Variants in PSTPIP1 observed in about 807,000 individuals in gnomAD.
PSTPIP1 encodes the protein proline-serine-threonine phosphatase-interacting protein 1.
In PSTPIP1, 66 loss-of-function variants were observed where a neutral mutation model predicts 69.6. The observed-to-expected ratio is 0.95, with a 90% CI of 0.78 to 1.16. The LOEUF is 1.16. Ranked by LOEUF, PSTPIP1 falls within the 50% of genes most tolerant of loss-of-function variation. The pLI, the probability that PSTPIP1 is intolerant of heterozygous loss-of-function variation, is 0.00. For synonymous variants in PSTPIP1, 266 were observed against 222.7 expected, an observed-to-expected ratio of 1.19 and a Z score of -1.73; for missense variants, 603 against 557.4, an observed-to-expected ratio of 1.08 and a Z score of -0.82.
chr15:77,025,695 C>T, intron 5 of PSTPIP1, 91 bp downstream of exon 5: 1 of 1,064,722 alleles, frequency 9.4e-7, no homozygotes, highest in South Asian at 1.5e-5. Context: ...CCTGGTAGAG[C>T]CAGTGGAGGG....
intron 7 of PSTPIP1, 117 bp downstream of exon 7, chr15:77,028,769 C>G: frequency 1.1e-6 from 1 of 881,004 alleles, no homozygotes; most frequent in Non-Finnish European, 1.6e-6. Context: ...GCTGCTTAGC[C>G]CTCTCTGACC....
chr15:77,030,681 G>A, intron 9 of PSTPIP1, 100 bp downstream of exon 9: 1 of 1,179,930 alleles, frequency 8.5e-7, no homozygotes, highest in Non-Finnish European at 1.2e-6. Flanking sequence ...GGCAGTTGGG[G>A]AAGGTACCTG....
intron 12 of PSTPIP1, among the ~76,000 whole-genome samples, chr15:77,033,813 TAGAG>T (rs1488857878): frequency 1.1e-5 from 1 of 87,044 alleles, no homozygotes; most frequent in African/African-American, 4.4e-5. Context: ...CACCCGTGCT[TAGAG>T]AGGGCACACA....
chr15:76,995,348 A>G lies in PSTPIP1; in HGVS notation c.-226A>G, dbSNP rs1369687462. The G allele has an allele frequency of 4.9e-6, 7 of 1,424,854 alleles. No homozygotes were observed. Among genetic ancestry groups the G allele is most frequent in the Non-Finnish European group, 5.5e-6 (6 of 1,092,664 alleles). 88.3% of individuals were successfully genotyped at this position (1,424,854 alleles called of 1,614,324 possible). A position where few individuals can be genotyped will look rare whatever the true frequency, so the allele number is the denominator to read the frequency against. ...CATCACTGAGCTCCACTCCTTCCTC[A>G]TTTTGCTGCTGATTCTAGCCCCAAA... On this transcript the variant is annotated 5_prime_UTR_variant, in exon 1 of 15. Coordinates refer to ENST00000558012, the MANE Select transcript of PSTPIP1 (RefSeq NM_003978.5).
intron 1 of PSTPIP1, among the ~76,000 whole-genome samples, chr15:77,006,830 T>C (rs560485131): frequency 5.3e-5 from 8 of 152,250 alleles, no homozygotes; most frequent in Non-Finnish European, 1.0e-4. Flanking sequence ...ACTACCGCAC[T>C]ACTTCAATTA....
In PSTPIP1 at chr15:76,998,841, C is replaced by T. The variant is rs145748718; in HGVS notation, c.36+3232C>T. Among the ~76,000 whole-genome samples, 441 of 152,278 alleles carry T rather than the reference C, an allele frequency of 2.9e-3. 1 individual carries two copies. Among genetic ancestry groups the T allele is most frequent in the Non-Finnish European group, 3.7e-3 (254 of 68,020 alleles). ...TTAGCTGCAGCCGAGTGTTCAGATG[C>T]ACGCTGCTGTAGGAGTGAGGCAGGG... On this transcript the variant is annotated intron_variant, in intron 1 of 14. Transcript: ENST00000558012.
In PSTPIP1 at chr15:77,029,523, C is replaced by T. The variant is rs769264931; in HGVS notation, c.517-6C>T. On this transcript the variant is annotated splice_region_variant and splice_polypyrimidine_tract_variant and intron_variant, in intron 7 of 14. Coordinates refer to ENST00000558012, the MANE Select transcript of PSTPIP1 (RefSeq NM_003978.5). ...GCTTAGCGCTGCTTCCCCTCTGTTT[C>T]CTCAGAGTCAGAACAAAGCCAGGCA... The T allele has an allele frequency of 3.2e-6, 5 of 1,577,062 alleles. No homozygotes were observed. The East Asian group carries it at 7.0e-5, about 22-fold the overall frequency.
chr15:77,015,744 A>C, intron 1 of PSTPIP1: 1 of 355,970 alleles, frequency 2.8e-6, no homozygotes, highest in South Asian at 2.1e-5. Flanking sequence ...GTGAAGGAGG[A>C]GGGCGCGGGC....
rs114796733 is a variant in PSTPIP1, at chr15:76,995,952, C to T, written c.36+343C>T. 5.8e-3 allele frequency among the ~76,000 whole-genome samples: 890 copies of T among 152,290 alleles called. 10 individuals are homozygous for T. Among genetic ancestry groups the T allele is most frequent in the African/African-American group, 0.021 (856 of 41,556 alleles). On this transcript the variant is annotated intron_variant, in intron 1 of 14. Coordinates refer to ENST00000558012, the MANE Select transcript of PSTPIP1 (RefSeq NM_003978.5). Reference sequence around the variant, plus strand: ...AAAGGAGGGGTCACAGATTTAGAGACCAGACAAACTTGAGTTCAGGTCTTG... The same window carrying T: ...AAAGGAGGGGTCACAGATTTAGAGATCAGACAAACTTGAGTTCAGGTCTTG...
At chr15:77,031,899 A>G (rs113774090) in intron 10 of PSTPIP1, 3,746 of 198,908 alleles carry the variant, frequency 0.019, 102 homozygotes, top group African/African-American at 0.07. Flanking sequence ...GTTTTTGCCC[A>G]AGTGACTCGA....
intron 6 of PSTPIP1, chr15:77,028,325 A>G: frequency 2.0e-6 from 1 of 492,310 alleles, no homozygotes; most frequent in Non-Finnish European, 3.6e-6. Flanking sequence ...GGCCCGGGGC[A>G]GGCCGCGCTG....
intron 12 of PSTPIP1, 93 bp downstream of exon 12, chr15:77,033,045 G>C (rs2076461395): frequency 8.0e-7 from 1 of 1,248,394 alleles, no homozygotes; most frequent in African/African-American, 1.5e-5. Context: ...CGTTCACTGA[G>C]CACCTACTAT....
At chr15:76,997,540 C>A (rs2075608018) in intron 1 of PSTPIP1, among the ~76,000 whole-genome samples, 1 of 152,248 alleles carries the variant, frequency 6.6e-6, no homozygotes, top group African/African-American at 2.4e-5. Flanking sequence ...CTACTGTTAT[C>A]TCTCTTATTC....
chr15:77,037,324 T>C lies in PSTPIP1; in HGVS notation c.*148T>C. The C allele has an allele frequency of 9.4e-7, 1 of 1,065,758 alleles. No individual in the cohort carries two copies. The allele number at this position is 1,065,758 out of a possible 1,614,324, so 66.0% of individuals were successfully genotyped here. A position where few individuals can be genotyped will look rare whatever the true frequency, so the allele number is the denominator to read the frequency against. ...TCTCCCAGGGAATAAAGGAGTGCGT[T>C]CTGTTCTCCTTGGTGTGCTGGGGTC... On this transcript the variant is annotated 3_prime_UTR_variant, in exon 15 of 15. Coordinates refer to ENST00000558012, the MANE Select transcript of PSTPIP1 (RefSeq NM_003978.5).
intron 1 of PSTPIP1, among the ~76,000 whole-genome samples, chr15:76,998,214 G>C (rs1383080212): frequency 1.3e-5 from 2 of 152,168 alleles, no homozygotes; most frequent in African/African-American, 4.8e-5. Flanking sequence ...CTCTAGCCTG[G>C]GTGACAGAGC....
At chr15:76,999,964 G>A (rs943241344) in intron 1 of PSTPIP1, among the ~76,000 whole-genome samples, 3 of 152,244 alleles carry the variant, frequency 2.0e-5, no homozygotes. Context: ...GTAAGGACCT[G>A]GGGAGGCTGG....
intron 12 of PSTPIP1, 63 bp from the exon 13 acceptor site, chr15:77,035,445 C>T (rs2076536580): frequency 1.3e-6 from 2 of 1,504,346 alleles, no homozygotes; most frequent in African/African-American, 1.4e-5. Flanking sequence ...TCTAAACCCT[C>T]CCTCCTGGTG....
chr15:77,032,875 C>T lies in PSTPIP1; in HGVS notation c.852C>T (p.Tyr284=), dbSNP rs1324002708. 5.6e-6 allele frequency: 9 copies of T among 1,593,948 alleles called. No homozygotes were observed. The highest frequency in any genetic ancestry group is 6.8e-6 in the Non-Finnish European group (8 of 1,170,674). ...TGCTGTCTGCAGCTCCGGTGCCCTA[C>T]CAGAACTATTACGATCGGGAGGTCA... is the stretch of plus-strand genomic sequence containing the variant. ...TGTEPPAPVP[Y]QNYYDREVTP... is the part of the protein sequence containing the mutation. The change falls in exon 12 of 15, where the codon TAC becomes TAT. Residue 284 remains tyrosine, a synonymous_variant. Coordinates refer to ENST00000558012, the MANE Select transcript of PSTPIP1 (RefSeq NM_003978.5).
chr15:77,029,727 C>T (rs765738253), intron 8 of PSTPIP1, among the ~76,000 whole-genome samples, 153 bp downstream of exon 8: 6 of 152,176 alleles, frequency 3.9e-5, no homozygotes, highest in African/African-American at 9.7e-5. Flanking sequence ...TCAAAGTAAA[C>T]GCTGTGTTCC....
Sources: gnomAD v4.1 joint callset for allele counts (sites outside exome capture counted in the v4.1 genomes callset) on GRCh38, gnomAD v4.1.1 for gene constraint, MANE v1.5 for transcripts, NCBI Gene and HGNC (gene_info 2026-07-23, HGNC 2026-07-21) for gene names.